DTX2: variants seen among roughly 807,000 people sequenced by gnomAD.
DTX2 encodes the protein probable E3 ubiquitin-protein ligase DTX2.
Under a neutral mutation model 55.3 loss-of-function variants are expected in DTX2, and 29 were observed. The ratio of observed to expected loss-of-function variants is 0.52; its 90% CI spans 0.39 to 0.71. The LOEUF (loss-of-function observed/expected upper bound fraction) is 0.71, where lower values mean the gene tolerates loss of function less well. DTX2 is among the 30% of genes least tolerant of loss of function. The pLI is 0.00. For missense variants in DTX2, 537 were observed against 822.5 expected (o/e 0.65, Z 4.25); for synonymous variants, 276 against 340.4 (o/e 0.81, Z 2.08).
In DTX2 at chr7:76,464,263, C is replaced by T. The variant is rs184919488; in HGVS notation, c.-90+554C>T. 2.9e-3 allele frequency among the ~76,000 whole-genome samples: 431 copies of T among 147,270 alleles called. 1 individual carries two copies. Among genetic ancestry groups the T allele is most frequent in the African/African-American group, 0.01 (400 of 38,490 alleles). The stretch of plus-strand genomic sequence containing the variant: ...CACAGTCACCTGGGAGAGGAGTCAG[C>T]GTTTGCAAAGTCATGAAGCTACCGG... On this transcript the variant is annotated intron_variant, in intron 2 of 10. Transcript: ENST00000430490.
intron 2 of DTX2, among the ~76,000 whole-genome samples, chr7:76,468,812 G>C (rs1807508461): frequency 7.3e-6 from 1 of 137,596 alleles, no homozygotes. Flanking sequence ...GCCCAGGCTG[G>C]AGTACAGTGG....
At position 76,502,126 on chromosome 7, in the gene DTX2, A is replaced by G. The variant is rs1466784826; in HGVS notation, c.1231-172A>G. The G allele has an allele frequency of 2.2e-5, 13 of 594,560 alleles. No homozygotes were observed. The African/African-American group carries it at 2.2e-4, about 10-fold the overall frequency. 36.8% of individuals were successfully genotyped at this position (594,560 alleles called of 1,614,324 possible). A position where few individuals can be genotyped will look rare whatever the true frequency, so the allele number is the denominator to read the frequency against. Reference sequence around the variant, plus strand: ...GGCCTCAAATTCCTGACCTCAAGTGATCGGCCTCCTAGAGTGCTGGGATTA... The same window carrying G: ...GGCCTCAAATTCCTGACCTCAAGTGGTCGGCCTCCTAGAGTGCTGGGATTA... On this transcript the variant is annotated intron_variant, in intron 7 of 10. Transcript: ENST00000430490.
chr7:76,483,532 C>G (rs1222385310), intron 4 of DTX2, among the ~76,000 whole-genome samples: 4 of 151,930 alleles, frequency 2.6e-5, no homozygotes, highest in Non-Finnish European at 5.9e-5. Context: ...ACCCAGAGAC[C>G]AGAGTATCAG....
chr7:76,483,486 T>A (rs1809557934), intron 4 of DTX2, among the ~76,000 whole-genome samples: 1 of 152,224 alleles, frequency 6.6e-6, no homozygotes, highest in South Asian at 2.1e-4. Flanking sequence ...GGTCACTGCC[T>A]GTACACTGAC....
chr7:76,481,423 G>C (rs1358914656), intron 3 of DTX2, among the ~76,000 whole-genome samples: 1 of 152,166 alleles, frequency 6.6e-6, no homozygotes, highest in Non-Finnish European at 1.5e-5. Flanking sequence ...CTGACCTCAG[G>C]TGATCTGCCT....
In DTX2 at chr7:76,502,388, C is replaced by T. The variant is rs147908269; in HGVS notation, c.1321C>T (p.His441Tyr). 3.3e-5 allele frequency: 54 copies of T among 1,612,532 alleles called. No homozygotes were observed. Among genetic ancestry groups the T allele is most frequent in the Middle Eastern group, 1.7e-4 (1 of 6,020 alleles). The change falls in exon 8 of 11, where the codon CAC becomes TAC. Residue 441 changes from histidine (H) to tyrosine (Y), a missense_variant. His to Tyr is a moderately conservative substitution (Grantham distance 83, BLOSUM62 2). Coordinates refer to ENST00000430490, the MANE Select transcript of DTX2 (RefSeq NM_001102594.3). ...GGCAATCGGGTCCCTAGCTGTGGGCCACCTCACCAAGTGCAGCCATGCCTT... is the reference window on the plus strand; with the variant it reads ...GGCAATCGGGTCCCTAGCTGTGGGCTACCTCACCAAGTGCAGCCATGCCTT... ...SKAIGSLAVG[H>Y]LTKCSHAFHL...
intron 8 of DTX2, 180 bp from the exon 9 acceptor site, chr7:76,503,246 G>T (rs547751606): frequency 5.9e-6 from 4 of 676,862 alleles, no homozygotes; most frequent in East Asian, 2.8e-5. Context: ...TGAGTTGCTG[G>T]TGCAAAACAA....
chr7:76,496,231 G>A (rs1479073894), intron 5 of DTX2, among the ~76,000 whole-genome samples: 1 of 83,576 alleles, frequency 1.2e-5, no homozygotes, highest in Non-Finnish European at 2.4e-5. Flanking sequence ...GCCGGGTTGA[G>A]AAGCTTTGTT....
chr7:76,505,407 C>T lies in DTX2; in HGVS notation c.1675C>T (p.Arg559Trp), dbSNP rs1783004041. 3.8e-6 allele frequency: 6 copies of T among 1,590,310 alleles called. No homozygotes were observed. Among genetic ancestry groups the T allele is most frequent in the African/African-American group, 1.3e-5 (1 of 74,324 alleles). ...LELLKVAWKR[R>W]LIFTVGTSST... ...GCTCCTGAAGGTGGCCTGGAAGAGG[C>T]GGCTCATCTTCACAGTGGGCACGTC... is the stretch of plus-strand genomic sequence containing the variant. Residue 559 changes from arginine (R) to tryptophan (W), a missense_variant, in exon 11 of 11, where the codon CGG (arginine) becomes TGG (tryptophan). Physicochemically the swap from Arg to Trp is moderately radical, Grantham distance 101 (BLOSUM62 -3). This residue lies in a region of DTX2 where 33 missense variants were observed against 48.4 expected (regional missense o/e 0.68). Coordinates refer to ENST00000430490, the MANE Select transcript of DTX2 (RefSeq NM_001102594.3). The surrounding 1 kb of genome is among the most constrained non-coding windows in gnomAD (Gnocchi z 4.4).
chr7:76,476,727 AT>A (rs1433856682), intron 2 of DTX2, among the ~76,000 whole-genome samples: 3 of 151,670 alleles, frequency 2.0e-5, no homozygotes, highest in Admixed American at 6.6e-5. Context: ...GTGGCTTGGA[AT>A]GTTCTGGAAC....
Position 76,492,250 on chromosome 7 carries a change from G to A in DTX2, c.1006G>A (p.Ala336Thr), listed in dbSNP as rs1362312787. The A allele has an allele frequency of 1.5e-5, 15 of 993,764 alleles. 4 individuals are homozygous for A. Among genetic ancestry groups the A allele is most frequent in the South Asian group, 8.1e-5 (4 of 49,620 alleles). The allele number at this position is 993,764 out of a possible 1,614,324, so 61.6% of individuals were successfully genotyped here. The change falls in exon 5 of 11, where the codon GCA (alanine) becomes ACA (threonine). Residue 336 changes from alanine to threonine, a missense_variant. Transcript: ENST00000430490. ...GCCCAGCAGAGTCCAGCAGGCGCTC[G>A]CAGGTAGGTGCCTGACCTCGGGCTG... ...PKPSRVQQAL[A>T]GMTSVLMSAI...
chr7:76,503,282 CCA>C, intron 8 of DTX2, 142 bp from the exon 9 acceptor site: 1 of 871,524 alleles, frequency 1.1e-6, no homozygotes, highest in Non-Finnish European at 1.7e-6. Context: ...CTGTTGGAAG[CCA>C]GTTTCCGGGC....
At chr7:76,499,400 C>G (rs1811382916) in intron 6 of DTX2, among the ~76,000 whole-genome samples, 1 of 151,188 alleles carries the variant, frequency 6.6e-6, no homozygotes, top group African/African-American at 2.4e-5. Context: ...CCAAACTGTC[C>G]CCTCCCTGGC....
At chr7:76,469,916 G>T (rs1221561615) in intron 2 of DTX2, among the ~76,000 whole-genome samples, 1 of 149,336 alleles carries the variant, frequency 6.7e-6, no homozygotes, top group African/African-American at 2.5e-5. Flanking sequence ...GAAATATCCC[G>T]CTTCCCCAGT....
At position 76,480,641 on chromosome 7, in the gene DTX2, G is replaced by A; in HGVS notation, c.132G>A (p.Gln44=). ...YSATVCSFIE[Q]QFVQQKGQRF... is the part of the protein sequence containing the mutation. ...CCACCGTCTGCAGCTTCATCGAGCA[G>A]CAGTTTGTCCAGCAGAAGGGCCAAC... Residue 44 remains glutamine (Q), a synonymous_variant, in exon 3 of 11, where the codon CAG becomes CAA. Coordinates refer to ENST00000430490, the MANE Select transcript of DTX2 (RefSeq NM_001102594.3). The A allele has an allele frequency of 6.2e-7, 1 of 1,613,694 alleles. No individual in the cohort carries two copies. Among genetic ancestry groups the A allele is most frequent in the Non-Finnish European group, 8.5e-7 (1 of 1,179,920 alleles).
At chr7:76,464,819 A>C (rs1177762906) in intron 2 of DTX2, among the ~76,000 whole-genome samples, 1 of 150,840 alleles carries the variant, frequency 6.6e-6, no homozygotes, top group Non-Finnish European at 1.5e-5. Flanking sequence ...GAGGCAGGTG[A>C]GTGGTTTTGC....
intron 2 of DTX2, among the ~76,000 whole-genome samples, chr7:76,471,294 C>T (rs1446102559): frequency 8.9e-5 from 13 of 146,484 alleles, no homozygotes; most frequent in South Asian, 4.8e-4. Context: ...CCCTAGTAGC[C>T]GGGACTACAG....
intron 5 of DTX2, among the ~76,000 whole-genome samples, chr7:76,496,251 G>C (rs1192690908): frequency 2.4e-5 from 2 of 83,186 alleles, no homozygotes; most frequent in Admixed American, 2.3e-4. Context: ...TCTTCTAGTG[G>C]GGGCGCAGTG....
intron 4 of DTX2, among the ~76,000 whole-genome samples, chr7:76,484,118 C>T (rs1344091526): frequency 2.3e-5 from 3 of 127,806 alleles, no homozygotes; most frequent in East Asian, 2.3e-4. Context: ...CCGAGGTGGG[C>T]GGATCACCTG....
Sources: allele counts gnomAD v4.1 joint callset (sites outside exome capture counted in the v4.1 genomes callset), GRCh38; gene constraint gnomAD v4.1.1; regional missense constraint gnomAD v4.1.1; non-coding constraint Gnocchi (gnomAD v3.1); transcripts MANE v1.5; gene names NCBI Gene and HGNC (gene_info 2026-07-23, HGNC 2026-07-21).